Variants in RRBP1 observed in about 807,000 individuals in gnomAD.
RRBP1 encodes the protein ribosome binding protein 1.
In RRBP1, 94 loss-of-function variants were observed where a neutral mutation model predicts 165.2. The observed-to-expected ratio is 0.57, with a 90% CI of 0.48 to 0.68. The LOEUF (loss-of-function observed/expected upper bound fraction) is 0.68. Among genes scored for constraint, RRBP1 ranks in the 30% least tolerant of loss-of-function variants. RRBP1 has a pLI of 0.00. For missense variants in RRBP1, 1,676 were observed against 1,763.0 expected (o/e 0.95, Z 0.88); for synonymous variants, 680 against 714.5 (o/e 0.95, Z 0.77).
intron 24 of RRBP1, 116 bp downstream of exon 24, chr20:17,614,621 G>A: frequency 7.4e-7 from 1 of 1,349,272 alleles, no homozygotes. Flanking sequence ...GGGGCTCCCA[G>A]CCCAGCGCTC....
Position 17,615,418 on chromosome 20 carries a change from A to G in RRBP1, c.4050+13T>C, listed in dbSNP as rs1032574512. On this transcript the variant is annotated intron_variant, in intron 23 of 24. Coordinates refer to ENST00000377813, the MANE Select transcript of RRBP1 (RefSeq NM_001365613.2). ...ACCCTCCAGGTGTGACCCCCGCCCC[A>G]GCCCCTGCCTGCCTTCAGCTGTGAG... 1 of 1,601,416 alleles carries G rather than the reference A, an allele frequency of 6.2e-7. No homozygotes were observed. Among genetic ancestry groups the G allele is most frequent in the Non-Finnish European group, 8.5e-7 (1 of 1,172,990 alleles).
In RRBP1 at chr20:17,641,778, G is replaced by C. The variant is rs375294401; in HGVS notation, c.2184+19C>G. 510 of 1,610,820 alleles carry C rather than the reference G, an allele frequency of 3.2e-4. 3 individuals are homozygous for C. Among genetic ancestry groups the C allele is most frequent in the South Asian group, 3.1e-3 (285 of 90,998 alleles). On this transcript the variant is annotated intron_variant, in intron 5 of 24. Transcript: ENST00000377813. ...GGACGGGAGAGGACAAACCATCTCCGAGCCCACTCAGGCTGTACCTTGTTG... is the reference window on the plus strand; with the variant it reads ...GGACGGGAGAGGACAAACCATCTCCCAGCCCACTCAGGCTGTACCTTGTTG...
intron 3 of RRBP1, among the ~76,000 whole-genome samples, chr20:17,650,609 A>AAC (rs1330613620): frequency 6.6e-6 from 1 of 152,214 alleles, no homozygotes; most frequent in Non-Finnish European, 1.5e-5. Context: ...GTAATGAGGA[A>AAC]ACACCTGTTT....
intron 8 of RRBP1, among the ~76,000 whole-genome samples, chr20:17,632,083 A>G (rs3790323): frequency 0.061 from 9,211 of 152,232 alleles, 685 homozygotes; most frequent in African/African-American, 0.18. Flanking sequence ...TACAGATGGG[A>G]AAACTGAGGC....
At position 17,618,604 on chromosome 20, in the gene RRBP1, G is replaced by T; in HGVS notation, c.3751C>A (p.Leu1251Ile). Residue 1251 changes from leucine to isoleucine, a missense_variant, in exon 20 of 25, where the codon CTT becomes ATT. Coordinates refer to ENST00000377813, the MANE Select transcript of RRBP1 (RefSeq NM_001365613.2). ...KSEAQKQSDELALVRQQLSEM... is the reference protein window; with the variant it reads ...KSEAQKQSDEIALVRQQLSEM... ...ACATGGAGGCCACCTACCAGGGCAA[G>T]CTCATCGCTCTGTTTCTGGGCTTCG... The T allele has an allele frequency of 6.2e-7, 1 of 1,613,848 alleles. No individual in the cohort carries two copies. Among genetic ancestry groups the T allele is most frequent in the South Asian group, 1.1e-5 (1 of 91,088 alleles).
chr20:17,658,735 G>A lies in RRBP1; in HGVS notation c.1773C>T (p.Asp591=), dbSNP rs373782379. The change falls in exon 3 of 25, where the codon GAC becomes GAT. Residue 591 remains aspartate (D), a synonymous_variant. Transcript: ENST00000377813. ...EGSPNQGKKA[D]AAANQGKKTE... Reference sequence around the variant, plus strand: ...TCTTTTTACCCTGATTGGCAGCTGCGTCTGCCTTTTTGCCTTGGTTGGGGG... The same window carrying A: ...TCTTTTTACCCTGATTGGCAGCTGCATCTGCCTTTTTGCCTTGGTTGGGGG... The A allele has an allele frequency of 9.7e-5, 156 of 1,614,204 alleles. No individual in the cohort carries two copies. The highest frequency in any genetic ancestry group is 8.7e-4 in the African/African-American group (65 of 75,056).
chr20:17,632,296 C>T (rs1487164371), intron 8 of RRBP1, among the ~76,000 whole-genome samples: 1 of 152,128 alleles, frequency 6.6e-6, no homozygotes, highest in Admixed American at 6.6e-5. Context: ...GCCTGGGGGC[C>T]CTGGCTAGAT....
intron 22 of RRBP1, 32 bp downstream of exon 22, chr20:17,615,894 T>C: frequency 6.3e-7 from 1 of 1,588,174 alleles, no homozygotes; most frequent in Non-Finnish European, 8.6e-7. Context: ...CAGGGGCTGA[T>C]GGGGGCTGAG....
intron 2 of RRBP1, 69 bp from the exon 3 acceptor site, chr20:17,660,597 A>G: frequency 1.1e-6 from 1 of 908,304 alleles, no homozygotes; most frequent in Middle Eastern, 2.4e-4. Context: ...TCCCCACCCT[A>G]CCACCAAACT....
chr20:17,628,288 A>G (rs965731121), intron 9 of RRBP1, among the ~76,000 whole-genome samples: 2 of 152,092 alleles, frequency 1.3e-5, no homozygotes, highest in Non-Finnish European at 2.9e-5. Context: ...ATGAAGCTCT[A>G]GTTAGACAAC....
intron 3 of RRBP1, among the ~76,000 whole-genome samples, chr20:17,657,988 C>T (rs908743472): frequency 1.3e-5 from 2 of 152,236 alleles, no homozygotes; most frequent in Non-Finnish European, 2.9e-5. Flanking sequence ...CGCAGCCAGA[C>T]AGTTAAGAAA....
intron 3 of RRBP1, among the ~76,000 whole-genome samples, chr20:17,647,937 C>T (rs544670283): frequency 4.6e-4 from 70 of 152,140 alleles, no homozygotes; most frequent in Admixed American, 1.0e-3. Flanking sequence ...CCCCAGTCAC[C>T]CGACCCAAAC....
At position 17,660,253 on chromosome 20, in the gene RRBP1, A is replaced by T. The variant is rs112815474; in HGVS notation, c.255T>A (p.Asp85Glu). The change falls in exon 3 of 25, where the codon GAT becomes GAA. Residue 85 changes from aspartate to glutamate, a missense_variant. Transcript: ENST00000377813. Reference protein sequence around the residue: ...KEEKPNGKIPDHDPAPNVTVL... With the variant: ...KEEKPNGKIPEHDPAPNVTVL... ...CAGTCACATTGGGGGCTGGATCATGATCAGGTATCTTCCCATTAGGTTTCT... is the reference window on the plus strand; with the variant it reads ...CAGTCACATTGGGGGCTGGATCATGTTCAGGTATCTTCCCATTAGGTTTCT... 7.9e-4 allele frequency: 1,277 copies of T among 1,610,992 alleles called. 17 individuals carry two copies. The African/African-American group carries it at 0.015, about 18-fold the overall frequency.
chr20:17,630,515 C>T (rs553427634), intron 8 of RRBP1, among the ~76,000 whole-genome samples: 1 of 152,340 alleles, frequency 6.6e-6, no homozygotes, highest in African/African-American at 2.4e-5. Flanking sequence ...AAAAGTATCT[C>T]AGAGACATTT....
At chr20:17,670,230 C>T (rs1222543845) in intron 2 of RRBP1, among the ~76,000 whole-genome samples, 3 of 152,058 alleles carry the variant, frequency 2.0e-5, no homozygotes, top group Non-Finnish European at 4.4e-5. Context: ...TATTTTTAAA[C>T]GTTAAACCAA....
chr20:17,613,795 A>G lies in RRBP1; in HGVS notation c.*387T>C, dbSNP rs553391733. ...CCTCCAGTCGGCCCCACAGCCTTTG[A>G]GAACTGGCTGCCCGGTCCCACCCGC... On this transcript the variant is annotated 3_prime_UTR_variant, in exon 25 of 25. Coordinates refer to ENST00000377813, the MANE Select transcript of RRBP1 (RefSeq NM_001365613.2). The G allele has an allele frequency of 4.8e-6, 1 of 207,496 alleles. No individual in the cohort carries two copies. The highest frequency in any genetic ancestry group is 2.3e-5 in the African/African-American group (1 of 43,874). 12.9% of individuals were successfully genotyped at this position (207,496 alleles called of 1,614,324 possible). A position where few individuals can be genotyped will look rare whatever the true frequency, so the allele number is the denominator to read the frequency against.
intron 19 of RRBP1, 30 bp from the exon 20 acceptor site, chr20:17,618,709 G>GA: frequency 1.3e-6 from 2 of 1,547,214 alleles, no homozygotes; most frequent in South Asian, 1.1e-5. Context: ...CGGGTGATGG[G>GA]AAAAAAGGAG....
At chr20:17,661,266 T>C (rs369455650) in intron 2 of RRBP1, among the ~76,000 whole-genome samples, 1 of 152,054 alleles carries the variant, frequency 6.6e-6, no homozygotes, top group African/African-American at 2.4e-5. Flanking sequence ...AAAAATTCAG[T>C]GAGGGAAAAT....
chr20:17,614,811 G>T lies in RRBP1; in HGVS notation c.4120C>A (p.Leu1374Met). ...GRAATRLQEL[L>M]KTTQEQLARE... ...GCCAGCTGCTCCTGGGTCGTCTTCA[G>T]AAGCTCCTGCAGTCTCGTGGCGGCG... The change falls in exon 24 of 25, where the codon CTG (leucine) becomes ATG (methionine). Residue 1374 changes from leucine (L) to methionine (M), a missense_variant. Transcript: ENST00000377813. 1 of 1,613,898 alleles carries T rather than the reference G, an allele frequency of 6.2e-7. No individual in the cohort carries two copies.
Sources: allele counts gnomAD v4.1 joint callset (sites outside exome capture counted in the v4.1 genomes callset), GRCh38; gene constraint gnomAD v4.1.1; transcripts MANE v1.5; gene names NCBI Gene and HGNC (gene_info 2026-07-23, HGNC 2026-07-21).